USP49: variants seen among roughly 807,000 people sequenced by gnomAD.
USP49 encodes the protein ubiquitin carboxyl-terminal hydrolase 49.
USP49 carries 24 observed loss-of-function variants against 58.6 expected under a neutral mutation model. The ratio of observed to expected loss-of-function variants is 0.41; its 90% confidence interval spans 0.30 to 0.58. The LOEUF (loss-of-function observed/expected upper bound fraction) is 0.58, where lower values mean the gene tolerates loss of function less well. Ranked by LOEUF, USP49 falls within the 20% of genes least tolerant of loss-of-function variation. The pLI is 0.30. For synonymous variants in USP49, 408 were observed against 365.1 expected (o/e 1.12, Z -1.34); for missense variants, 703 against 866.1 (o/e 0.81, Z 2.36).
Position 41,803,920 on chromosome 6 carries a change from C to T in USP49, c.1447G>A (p.Glu483Lys). 1 of 1,614,196 alleles carries T rather than the reference C, an allele frequency of 6.2e-7. No individual in the cohort carries two copies. Among genetic ancestry groups the T allele is most frequent in the Non-Finnish European group, 8.5e-7 (1 of 1,180,044 alleles). Reference protein sequence around the residue: ...LEFPERYHCIEKGFVPLNQTE... With the variant: ...LEFPERYHCIKKGFVPLNQTE... ...TGATTCAAAGGGACAAACCCCTTTT[C>T]TATGCAGTGATAGCGTTCAGGGAAT... The change falls in exon 5 of 8, where the codon GAA becomes AAA. Residue 483 changes from glutamate (E) to lysine (K), a missense_variant. Physicochemically the swap from Glu to Lys is moderately conservative, Grantham distance 56 (BLOSUM62 1). Transcript: ENST00000682992. The surrounding 1 kb of genome is among the most constrained non-coding windows in gnomAD (Gnocchi z 4.1).
chr6:41,878,575 T>C (rs1329871014), intron 2 of USP49, among the ~76,000 whole-genome samples: 1 of 152,206 alleles, frequency 6.6e-6, no homozygotes. Context: ...TCTGCTTAAA[T>C]CTAATCCTGC....
At position 41,791,601 on chromosome 6, in the gene USP49, G is replaced by T. The variant is rs1283670217; in HGVS notation, c.*4932C>A. 1 of 152,174 alleles carries T rather than the reference G, an allele frequency of 6.6e-6. No homozygotes were observed. The highest frequency in any genetic ancestry group is 1.5e-5 in the Non-Finnish European group (1 of 68,038). 9.4% of individuals were successfully genotyped at this position (152,174 alleles called of 1,614,324 possible). ...ATTTGATATCCTGTCACACTTTTCAGCCCTGGCTAGTTAACACAGTACTAT... is the reference window on the plus strand; with the variant it reads ...ATTTGATATCCTGTCACACTTTTCATCCCTGGCTAGTTAACACAGTACTAT... On this transcript the variant is annotated 3_prime_UTR_variant, in exon 8 of 8. Transcript: ENST00000682992.
chr6:41,792,591 A>G lies in USP49; in HGVS notation c.*3942T>C. 1 of 152,258 alleles carries G rather than the reference A, an allele frequency of 6.6e-6. No homozygotes were observed. Among genetic ancestry groups the G allele is most frequent in the East Asian group, 1.9e-4 (1 of 5,204 alleles). The allele number at this position is 152,258 out of a possible 1,614,324, so 9.4% of individuals were successfully genotyped here. ...GAACATGACAAGGGAAGTGAAAAAC[A>G]ATGGAGTACACAGTCTGCCTTGAAA... is the stretch of plus-strand genomic sequence containing the variant. On this transcript the variant is annotated 3_prime_UTR_variant, in exon 8 of 8. Coordinates refer to ENST00000682992, the MANE Select transcript of USP49 (RefSeq NM_001286554.2).
chr6:41,894,817 T>G (rs1328440586), intron 1 of USP49, among the ~76,000 whole-genome samples: 1 of 151,960 alleles, frequency 6.6e-6, no homozygotes. Context: ...CCTTCCTATC[T>G]CCTTGGCTGG....
chr6:41,808,379 A>G (rs1157826895), intron 3 of USP49, among the ~76,000 whole-genome samples: 2 of 150,800 alleles, frequency 1.3e-5, no homozygotes, highest in African/African-American at 4.9e-5. Context: ...CTTGTGGGCA[A>G]TTTCTCCAAG....
At chr6:41,881,054 T>C (rs1774595000) in intron 2 of USP49, among the ~76,000 whole-genome samples, 1 of 151,930 alleles carries the variant, frequency 6.6e-6, no homozygotes, top group Admixed American at 6.6e-5. Flanking sequence ...TGCCTCAGCC[T>C]CCCGAGTAGC....
At chr6:41,800,062 T>C (rs1561901768) in intron 5 of USP49, 124 bp from the exon 6 acceptor site, 1 of 794,318 alleles carries the variant, frequency 1.3e-6, no homozygotes, top group East Asian at 2.6e-5. Flanking sequence ...CTCAATTTTT[T>C]GGGGGGCGCA....
At chr6:41,881,659 C>T (rs1774611378) in intron 2 of USP49, among the ~76,000 whole-genome samples, 1 of 151,860 alleles carries the variant, frequency 6.6e-6, no homozygotes, top group South Asian at 2.1e-4. Context: ...CATAGATATT[C>T]AAAAGTCATA....
intron 3 of USP49, among the ~76,000 whole-genome samples, chr6:41,824,167 C>A (rs537603587): frequency 7.2e-5 from 11 of 152,094 alleles, no homozygotes; most frequent in Non-Finnish European, 1.3e-4. Context: ...TGGTTTTCAG[C>A]ATCTTACAGT....
chr6:41,812,998 T>C (rs978454772), intron 3 of USP49, among the ~76,000 whole-genome samples: 7 of 152,218 alleles, frequency 4.6e-5, no homozygotes, highest in African/African-American at 1.7e-4. Context: ...TCTATCTGAA[T>C]ATATTACAGT....
chr6:41,872,115 A>G (rs1774420982), intron 2 of USP49, among the ~76,000 whole-genome samples: 1 of 152,264 alleles, frequency 6.6e-6, no homozygotes, highest in Admixed American at 6.5e-5. Context: ...TGCTTCTTTA[A>G]AAGCGGTATA....
intron 5 of USP49, among the ~76,000 whole-genome samples, chr6:41,802,432 A>ATTTTAAT (rs772710803): frequency 1.7e-5 from 1 of 58,796 alleles, no homozygotes; most frequent in Non-Finnish European, 3.2e-5. Flanking sequence ...ATTTTATTTT[A>ATTTTAAT]TTTATTTATT....
At position 41,807,068 on chromosome 6, in the gene USP49, T is replaced by A. The variant is rs878903984; in HGVS notation, c.-28-57A>T. The A allele has an allele frequency of 5.0e-5, 60 of 1,206,960 alleles. No homozygotes were observed. The South Asian group carries it at 6.9e-4, about 14-fold the overall frequency. 74.8% of individuals were successfully genotyped at this position (1,206,960 alleles called of 1,614,324 possible). A position where few individuals can be genotyped will look rare whatever the true frequency, so the allele number is the denominator to read the frequency against. ...GAAAAAGAAAACACTTTTAGAAAAATATTTTCCTTAAAAAAAAAAAAAAAA... is the reference window on the plus strand; with the variant it reads ...GAAAAAGAAAACACTTTTAGAAAAAAATTTTCCTTAAAAAAAAAAAAAAAA... On this transcript the variant is annotated intron_variant, in intron 3 of 7. Coordinates refer to ENST00000682992, the MANE Select transcript of USP49 (RefSeq NM_001286554.2).
rs777340694 is a variant in USP49 at position 41,805,691 on chromosome 6, C to T, written c.1293G>A (p.Arg431=). ...TRRILIPFSQ[R]KLTKQVLKVV... The stretch of plus-strand genomic sequence containing the variant: ...CCTTTAAGACCTGTTTGGTGAGCTT[C>T]CTCTGGGAGAAGGGGATGAGGATCC... The change falls in exon 4 of 8, where the codon AGG becomes AGA. Residue 431 remains arginine (R), a synonymous_variant. Transcript: ENST00000682992. 1.2e-5 allele frequency: 20 copies of T among 1,614,144 alleles called. No homozygotes were observed. Among genetic ancestry groups the T allele is most frequent in the Non-Finnish European group, 1.7e-5 (20 of 1,180,020 alleles).
At chr6:41,867,039 C>T (rs1313560388) in intron 3 of USP49, among the ~76,000 whole-genome samples, 7 of 152,214 alleles carry the variant, frequency 4.6e-5, no homozygotes, top group African/African-American at 1.7e-4. Flanking sequence ...AGGGCCAAGA[C>T]ATTTTATTAG....
intron 3 of USP49, among the ~76,000 whole-genome samples, chr6:41,810,940 G>T (rs1773247726): frequency 6.6e-6 from 1 of 152,132 alleles, no homozygotes; most frequent in African/African-American, 2.4e-5. Flanking sequence ...GCAGTTTCAT[G>T]ATTATGAGGT....
intron 5 of USP49, among the ~76,000 whole-genome samples, chr6:41,802,868 C>T (rs1468543580): frequency 2.6e-5 from 4 of 152,126 alleles, no homozygotes; most frequent in Non-Finnish European, 5.9e-5. Flanking sequence ...AAATTACAGA[C>T]AACACAGAAA....
chr6:41,867,465 C>A (rs1003050975), intron 3 of USP49, among the ~76,000 whole-genome samples: 8 of 151,920 alleles, frequency 5.3e-5, no homozygotes, highest in Admixed American at 4.6e-4. Flanking sequence ...TTCTTCTGGC[C>A]GGGCGCGGTG....
intron 3 of USP49, among the ~76,000 whole-genome samples, chr6:41,820,819 G>A (rs935681771): frequency 2.6e-5 from 4 of 152,070 alleles, no homozygotes; most frequent in African/African-American, 9.7e-5. Flanking sequence ...GGACAATATG[G>A]TGAGACCCCA....
Sources: gnomAD v4.1 joint callset for allele counts (sites outside exome capture counted in the v4.1 genomes callset) on GRCh38, gnomAD v4.1.1 for gene constraint, Gnocchi (gnomAD v3.1) non-coding constraint, MANE v1.5 for transcripts, NCBI Gene and HGNC (gene_info 2026-07-23, HGNC 2026-07-21) for gene names.